CSMD1: variants seen among roughly 807,000 people sequenced by gnomAD.
The protein encoded by CSMD1 is CUB and sushi domain-containing protein 1.
Under a neutral mutation model 417.5 loss-of-function variants are expected in CSMD1, and 213 were observed. That is an observed-to-expected ratio of 0.51 (90% CI 0.46 to 0.57). CSMD1 has a LOEUF of 0.57. CSMD1 is among the 20% of genes least tolerant of loss of function. CSMD1 has a pLI of 0.00. For missense variants in CSMD1, 6,923 were observed against 4,529.7 expected, an observed-to-expected ratio of 1.53 and a Z score of -15.17; for synonymous variants, 2,862 against 1,736.8, an observed-to-expected ratio of 1.65 and a Z score of -16.11.
At chr8:4,177,144 A>C (rs2131160626) in intron 3 of CSMD1, among the ~76,000 whole-genome samples, 1 of 152,264 alleles carries the variant, frequency 6.6e-6, no homozygotes, top group Non-Finnish European at 1.5e-5. Flanking sequence ...TCAGCACCAC[A>C]CCACACCTAT....
At chr8:3,463,801 G>C (rs999003365) in intron 12 of CSMD1, among the ~76,000 whole-genome samples, 1 of 152,126 alleles carries the variant, frequency 6.6e-6, no homozygotes, top group African/African-American at 2.4e-5. Context: ...CAAAAGTTCC[G>C]TCTGCCAAGA....
intron 2 of CSMD1, among the ~76,000 whole-genome samples, chr8:4,521,708 G>C (rs1460666899): frequency 6.6e-6 from 1 of 152,136 alleles, no homozygotes; most frequent in African/African-American, 2.4e-5. Flanking sequence ...TCTGGTATAA[G>C]CCAAACATTT....
intron 3 of CSMD1, among the ~76,000 whole-genome samples, chr8:4,096,440 G>C (rs1205331409): frequency 1.2e-4 from 19 of 152,124 alleles, no homozygotes; most frequent in Admixed American, 1.2e-3. Context: ...ATGCAAACCA[G>C]ATGATCCCCA....
At chr8:3,812,407 T>C (rs1182951934) in intron 5 of CSMD1, among the ~76,000 whole-genome samples, 1 of 152,154 alleles carries the variant, frequency 6.6e-6, no homozygotes, top group Non-Finnish European at 1.5e-5. Context: ...TTAAGGACTG[T>C]TGACACCTAG....
chr8:3,093,144 T>G (rs1815063530), intron 47 of CSMD1, among the ~76,000 whole-genome samples: 1 of 152,072 alleles, frequency 6.6e-6, no homozygotes, highest in African/African-American at 2.4e-5. Context: ...AATGTGACTT[T>G]AAAGAGAGAG....
chr8:3,997,701 A>ACAC (rs1254381119), intron 5 of CSMD1, among the ~76,000 whole-genome samples: 2 of 152,164 alleles, frequency 1.3e-5, no homozygotes, highest in African/African-American at 4.8e-5. Context: ...CGAGCTCCAA[A>ACAC]CACCAGCACA....
intron 5 of CSMD1, among the ~76,000 whole-genome samples, chr8:3,878,533 A>G (rs897210012): frequency 1.3e-5 from 2 of 152,180 alleles, no homozygotes; most frequent in African/African-American, 4.8e-5. Context: ...TAAAAAATGA[A>G]AAAGGAAATT....
rs540851820 is a variant in CSMD1, at chr8:3,341,521, G to A, written c.3631+1773C>T. ...TAATGAGAAATAACACACGAGCTGAGCACAATGTGTTTTTTGTGAAGCAGC... is the reference window on the plus strand; with the variant it reads ...TAATGAGAAATAACACACGAGCTGAACACAATGTGTTTTTTGTGAAGCAGC... On this transcript the variant is annotated intron_variant, in intron 23 of 69. Transcript: ENST00000635120. 6.6e-5 allele frequency among the ~76,000 whole-genome samples: 10 copies of A among 152,300 alleles called. No homozygotes were observed. In the East Asian group the frequency reaches 1.9e-3, roughly 29 times the overall value.
intron 3 of CSMD1, among the ~76,000 whole-genome samples, chr8:4,246,200 G>C (rs1207373090): frequency 1.3e-5 from 2 of 152,054 alleles, no homozygotes; most frequent in South Asian, 2.1e-4. Flanking sequence ...AAAGGCCCCA[G>C]TGTGTGTTGT....
At chr8:4,801,544 A>G (rs1798286297) in intron 1 of CSMD1, among the ~76,000 whole-genome samples, 1 of 152,060 alleles carries the variant, frequency 6.6e-6, no homozygotes, top group African/African-American at 2.4e-5. Context: ...TTAGAAACAA[A>G]TCTTTTCTAT....
At chr8:4,815,008 T>C (rs1198685924) in intron 1 of CSMD1, among the ~76,000 whole-genome samples, 1 of 152,178 alleles carries the variant, frequency 6.6e-6, no homozygotes, top group Non-Finnish European at 1.5e-5. Flanking sequence ...TTAAATTTAT[T>C]AATTATATAG....
intron 3 of CSMD1, among the ~76,000 whole-genome samples, chr8:4,390,748 C>G (rs918452835): frequency 6.6e-6 from 1 of 151,706 alleles, no homozygotes; most frequent in East Asian, 1.9e-4. Flanking sequence ...CTTCTGACCT[C>G]GTCAGGATGG....
rs1811262016 is a variant in CSMD1, at chr8:3,390,184, G to A, written c.2594-2502C>T. 2.0e-5 allele frequency among the ~76,000 whole-genome samples: 3 copies of A among 151,670 alleles called. No homozygotes were observed. The South Asian group carries it at 6.3e-4, about 32-fold the overall frequency. On this transcript the variant is annotated intron_variant, in intron 17 of 69. Coordinates refer to ENST00000635120, the MANE Select transcript of CSMD1 (RefSeq NM_033225.6). ...AGCCTGGCCAACCTGATGAAAACCT[G>A]TCTCTGCTAAAAATATAAAAATTAG...
chr8:4,081,521 C>G (rs1333304968), intron 3 of CSMD1, among the ~76,000 whole-genome samples: 1 of 152,072 alleles, frequency 6.6e-6, no homozygotes, highest in Non-Finnish European at 1.5e-5. Context: ...CTGGGGTCCC[C>G]CTACCAACCA....
rs186816907 is a variant in CSMD1, at chr8:4,426,876, G to A, written c.303-6811C>T. ...TTATAGCAGAATTCAAAAGTGGGAA[G>A]GGGTATTAGTATCAGATGTCAGGTG... is the stretch of plus-strand genomic sequence containing the variant. On this transcript the variant is annotated intron_variant, in intron 2 of 69. Transcript: ENST00000635120. 2.5e-3 allele frequency among the ~76,000 whole-genome samples: 378 copies of A among 151,722 alleles called. 1 individual carries two copies. Among genetic ancestry groups the A allele is most frequent in the African/African-American group, 8.7e-3 (360 of 41,430 alleles).
At chr8:3,818,514 A>T (rs1666834589) in intron 5 of CSMD1, among the ~76,000 whole-genome samples, 1 of 152,162 alleles carries the variant, frequency 6.6e-6, no homozygotes, top group South Asian at 2.1e-4. Flanking sequence ...ACAACTGCAG[A>T]TTAGACCAGG....
intron 2 of CSMD1, among the ~76,000 whole-genome samples, chr8:4,516,695 A>T (rs1014986062): frequency 1.3e-5 from 2 of 152,118 alleles, no homozygotes; most frequent in Non-Finnish European, 2.9e-5. Context: ...AGATTCCTCC[A>T]ACCCCTACAC....
intron 3 of CSMD1, among the ~76,000 whole-genome samples, chr8:4,277,076 T>C (rs1796529008): frequency 6.6e-6 from 1 of 152,140 alleles, no homozygotes; most frequent in South Asian, 2.1e-4. Flanking sequence ...TGTTGTGTGT[T>C]TTATAAAATT....
intron 2 of CSMD1, among the ~76,000 whole-genome samples, chr8:4,433,165 G>A (rs978798178): frequency 6.6e-6 from 1 of 152,160 alleles, no homozygotes; most frequent in Non-Finnish European, 1.5e-5. Flanking sequence ...CACTGATTCT[G>A]CATTATGGCG....
Sources: gnomAD v4.1 joint callset for allele counts (sites outside exome capture counted in the v4.1 genomes callset) on GRCh38, gnomAD v4.1.1 for gene constraint, MANE v1.5 for transcripts, NCBI Gene and HGNC (gene_info 2026-07-23, HGNC 2026-07-21) for gene names.